SEMA5B: variants seen among roughly 807,000 people sequenced by gnomAD.
SEMA5B encodes semaphorin-5B.
SEMA5B carries 66 observed loss-of-function variants against 135.0 expected under a neutral mutation model. The ratio of observed to expected loss-of-function variants is 0.49; its 90% CI spans 0.40 to 0.60. SEMA5B has a LOEUF of 0.60. Among genes scored for constraint, SEMA5B ranks in the 20% least tolerant of loss-of-function variants. SEMA5B has a pLI of 0.00. For missense variants in SEMA5B, 1,501 were observed against 1,566.3 expected, an observed-to-expected ratio of 0.96 and a Z score of 0.70; for synonymous variants, 690 against 639.5, an observed-to-expected ratio of 1.08 and a Z score of -1.19.
chr3:122,982,447 C>G (rs1941548613), intron 1 of SEMA5B, among the ~76,000 whole-genome samples: 1 of 152,214 alleles, frequency 6.6e-6, no homozygotes, highest in Non-Finnish European at 1.5e-5. Flanking sequence ...AATCTTCTCT[C>G]TCTTTTAAAA....
At chr3:122,925,484 C>G (rs998879593) in intron 9 of SEMA5B, among the ~76,000 whole-genome samples, 8 of 151,962 alleles carry the variant, frequency 5.3e-5, no homozygotes, top group Non-Finnish European at 1.2e-4. Flanking sequence ...CTGGCTAACA[C>G]AGTGAAACCC....
At chr3:122,956,757 G>T (rs894712080) in intron 2 of SEMA5B, among the ~76,000 whole-genome samples, 19 of 152,164 alleles carry the variant, frequency 1.2e-4, no homozygotes, top group Non-Finnish European at 2.1e-4. Flanking sequence ...GCACGAGGAT[G>T]CATCGGGCCG....
At chr3:122,955,262 C>T (rs1039148420) in intron 2 of SEMA5B, among the ~76,000 whole-genome samples, 1 of 152,166 alleles carries the variant, frequency 6.6e-6, no homozygotes, top group Non-Finnish European at 1.5e-5. Context: ...CTGTGTCTCT[C>T]GTTTCCTTCT....
At chr3:122,931,075 A>G (rs1938947167) in intron 5 of SEMA5B, among the ~76,000 whole-genome samples, 1 of 152,208 alleles carries the variant, frequency 6.6e-6, no homozygotes, top group African/African-American at 2.4e-5. Flanking sequence ...TTTTTATCAA[A>G]TTAGTGATGC....
At chr3:122,994,485 C>T (rs1260124055) in intron 1 of SEMA5B, among the ~76,000 whole-genome samples, 5 of 152,200 alleles carry the variant, frequency 3.3e-5, no homozygotes. Context: ...CTCCTTCCTA[C>T]GTTTCCCTGC....
At chr3:122,993,940 G>GC (rs961272668) in intron 1 of SEMA5B, among the ~76,000 whole-genome samples, 6 of 151,496 alleles carry the variant, frequency 4.0e-5, no homozygotes, top group African/African-American at 7.3e-5. Context: ...TTGGTCATTG[G>GC]CCCCCCCACC....
chr3:122,917,370 C>A (rs1938124071), intron 12 of SEMA5B, among the ~76,000 whole-genome samples: 1 of 152,214 alleles, frequency 6.6e-6, no homozygotes, highest in East Asian at 1.9e-4. Flanking sequence ...GCAGGGGGAT[C>A]TTCCCATTGG....
chr3:122,928,090 C>G, intron 7 of SEMA5B, 87 bp from the exon 8 acceptor site: 4 of 967,574 alleles, frequency 4.1e-6, no homozygotes, highest in Non-Finnish European at 5.9e-6. Context: ...TCCTCCTGTG[C>G]CCCAGTCTCT....
chr3:122,964,222 T>C (rs1940719002), intron 1 of SEMA5B, among the ~76,000 whole-genome samples: 1 of 152,210 alleles, frequency 6.6e-6, no homozygotes, highest in African/African-American at 2.4e-5. Flanking sequence ...CTCCTCTCTG[T>C]CTTCTCCTAT....
intron 12 of SEMA5B, among the ~76,000 whole-genome samples, chr3:122,918,993 CT>C (rs63373262): frequency 0.54 from 43,146 of 80,138 alleles, 11,983 homozygotes; most frequent in Middle Eastern, 0.69. Context: ...ATCACCATGT[CT>C]TTTTTTTTTT....
intron 5 of SEMA5B, among the ~76,000 whole-genome samples, chr3:122,932,219 G>T (rs958529220): frequency 1.4e-5 from 2 of 142,088 alleles, no homozygotes; most frequent in Non-Finnish European, 3.0e-5. Flanking sequence ...TGTCCAACAG[G>T]TCTTACACAT....
At chr3:122,919,763 C>A (rs1234091371) in intron 12 of SEMA5B, among the ~76,000 whole-genome samples, 1 of 152,108 alleles carries the variant, frequency 6.6e-6, no homozygotes, top group Admixed American at 6.6e-5. Flanking sequence ...TTTGGATTCA[C>A]CTATAGTTTT....
Position 122,948,522 on chromosome 3 carries a change from G to A in SEMA5B, c.312C>T (p.Pro104=), listed in dbSNP as rs1250538199. 3 of 1,605,134 alleles carry A rather than the reference G, an allele frequency of 1.9e-6. No individual in the cohort carries two copies. The highest frequency in any genetic ancestry group is 2.6e-6 in the Non-Finnish European group (3 of 1,173,710). The change falls in exon 3 of 23, where the codon CCC becomes CCT. Residue 104 remains proline (P), a synonymous_variant. Coordinates refer to ENST00000357599, the MANE Select transcript of SEMA5B (RefSeq NM_001031702.4). ...AACTCTTACCTTCAAAGGCCACGGTGGGGTGCTTGCTAAGGGCGCACAGCT... is the reference window on the plus strand; with the variant it reads ...AACTCTTACCTTCAAAGGCCACGGTAGGGTGCTTGCTAAGGGCGCACAGCT... The part of the protein sequence containing the change: ...EQQLCALSKH[P]TVAFEDLQPW...
chr3:122,950,334 G>A (rs920274127), intron 2 of SEMA5B, among the ~76,000 whole-genome samples: 10 of 152,226 alleles, frequency 6.6e-5, no homozygotes, highest in African/African-American at 2.2e-4. Flanking sequence ...GGGTTGGGGT[G>A]TGCAAGATGG....
At position 122,923,744 on chromosome 3, in the gene SEMA5B, A is replaced by C; in HGVS notation, c.1145T>G (p.Ile382Ser). Residue 382 changes from isoleucine (I) to serine (S), a missense_variant, in exon 10 of 23, where the codon ATC (isoleucine) becomes AGC (serine). Ile to Ser is a moderately radical substitution (Grantham distance 142). This residue lies in a region of SEMA5B where 574 missense variants were observed against 684.7 expected (regional missense o/e 0.84). Transcript: ENST00000357599. ...GAAGGCGCAGACAGCAGAAGCCGCG[A>C]TGCTGTTTCTGAAAGGCAAGAAGTG... is the stretch of plus-strand genomic sequence containing the variant. ...YGVFTTNVNS[I>S]AASAVCAFNL... The C allele has an allele frequency of 6.2e-7, 1 of 1,614,056 alleles. No homozygotes were observed. The highest frequency in any genetic ancestry group is 8.5e-7 in the Non-Finnish European group (1 of 1,179,980).
chr3:123,022,003 C>T (rs7647205), intron 1 of SEMA5B, among the ~76,000 whole-genome samples: 12,664 of 152,080 alleles, frequency 0.083, 1,590 homozygotes, highest in African/African-American at 0.27. Context: ...ACTCACATTC[C>T]CCACAAAGAA....
Position 122,989,086 on chromosome 3 carries a change from C to T in SEMA5B, c.-38-27785G>A, listed in dbSNP as rs1207589906. On this transcript the variant is annotated intron_variant, in intron 1 of 22. Transcript: ENST00000357599. Reference sequence around the variant, plus strand: ...AAATGTCCCCTCTACATCTTTCTCACTGCTCCGCTAGAGGAAAACAATCTT... The same window carrying T: ...AAATGTCCCCTCTACATCTTTCTCATTGCTCCGCTAGAGGAAAACAATCTT... Among the ~76,000 whole-genome samples the T allele has an allele frequency of 3.9e-5, 6 of 152,368 alleles. No individual in the cohort carries two copies. The East Asian group carries it at 1.2e-3, about 29-fold the overall frequency.
intron 1 of SEMA5B, among the ~76,000 whole-genome samples, chr3:123,004,368 G>A (rs1473114803): frequency 6.6e-6 from 1 of 152,212 alleles, no homozygotes; most frequent in African/African-American, 2.4e-5. Flanking sequence ...CAAAACCTCA[G>A]GGGGCCATTT....
intron 2 of SEMA5B, among the ~76,000 whole-genome samples, chr3:122,955,285 G>T (rs1015644387): frequency 3.9e-5 from 6 of 152,052 alleles, no homozygotes; most frequent in Admixed American, 6.6e-5. Flanking sequence ...GCAAAATGGG[G>T]AGAATAATAA....
Sources: allele counts gnomAD v4.1 joint callset (sites outside exome capture counted in the v4.1 genomes callset), GRCh38; gene constraint gnomAD v4.1.1; regional missense constraint gnomAD v4.1.1; transcripts MANE v1.5; gene names NCBI Gene and HGNC (gene_info 2026-07-23, HGNC 2026-07-21).